Variants in BNIP3L observed in about 807,000 individuals in gnomAD.
BNIP3L encodes BCL2 interacting protein 3 like.
BNIP3L carries 10 observed loss-of-function variants against 25.5 expected under a neutral mutation model. The ratio of observed to expected loss-of-function variants is 0.39; its 90% CI spans 0.24 to 0.67. The LOEUF (loss-of-function observed/expected upper bound fraction) is 0.67, where lower values mean the gene tolerates loss of function less well. Among genes scored for constraint, BNIP3L ranks in the 30% least tolerant of loss-of-function variants. The pLI, the probability that BNIP3L is intolerant of heterozygous loss-of-function variation, is 0.45. For missense variants in BNIP3L, 215 were observed against 270.9 expected (o/e 0.79, Z 1.45); for synonymous variants, 113 against 101.2 (o/e 1.12, Z -0.70).
At chr8:26,402,431 T>C (rs949505910) in intron 3 of BNIP3L, among the ~76,000 whole-genome samples, 4 of 152,222 alleles carry the variant, frequency 2.6e-5, no homozygotes, top group Admixed American at 1.3e-4. Flanking sequence ...TTTGCCGTGG[T>C]CTTTCCTGAG....
chr8:26,408,873 G>GA (rs36118116), intron 5 of BNIP3L, among the ~76,000 whole-genome samples: 31,537 of 75,790 alleles, frequency 0.42, 4,217 homozygotes, highest in Admixed American at 0.47. Flanking sequence ...CTCCATCTCG[G>GA]AAAAAAAAAA....
At chr8:26,402,778 A>G (rs932554001) in intron 3 of BNIP3L, among the ~76,000 whole-genome samples, 6 of 152,168 alleles carry the variant, frequency 3.9e-5, no homozygotes, top group Non-Finnish European at 7.4e-5. Flanking sequence ...AAAAAGAAAA[A>G]AAGAAATGGG....
chr8:26,407,351 A>G (rs143777885), intron 3 of BNIP3L, among the ~76,000 whole-genome samples: 2,908 of 151,342 alleles, frequency 0.019, 88 homozygotes, highest in African/African-American at 0.067. Context: ...ACGCCCAGCT[A>G]ATTTTTTTGT....
intron 1 of BNIP3L, among the ~76,000 whole-genome samples, chr8:26,390,764 A>C (rs1806089135): frequency 1.3e-5 from 2 of 152,220 alleles, no homozygotes; most frequent in South Asian, 4.1e-4. Context: ...TATAGTTGCT[A>C]ACTTACTTAG....
chr8:26,383,855 CTTTTTTAT>C lies in BNIP3L; in HGVS notation c.100+635_100+642del, dbSNP rs145016246. On this transcript the variant is annotated intron_variant, in intron 1 of 5. Coordinates refer to ENST00000380629, the MANE Select transcript of BNIP3L (RefSeq NM_004331.3). ...GGCTGTGCCTTGCTTCTCCTTTTTC[CTTTTTTAT>C]TTTTTTATTAGATTTCTCGAAGTTG... 6.3e-3 allele frequency among the ~76,000 whole-genome samples: 951 copies of C among 151,628 alleles called. 11 individuals are homozygous for C. Among genetic ancestry groups the C allele is most frequent in the African/African-American group, 0.022 (893 of 41,330 alleles).
At chr8:26,384,465 C>A (rs1805941055) in intron 1 of BNIP3L, among the ~76,000 whole-genome samples, 1 of 152,136 alleles carries the variant, frequency 6.6e-6, no homozygotes, top group East Asian at 1.9e-4. Flanking sequence ...ATATTATTTC[C>A]CACAGTAAAT....
At position 26,390,659 on chromosome 8, in the gene BNIP3L, A is replaced by G. The variant is rs1460081964; in HGVS notation, c.101-584A>G. The G allele has an allele frequency of 2.2e-5, 16 of 734,578 alleles. No individual in the cohort carries two copies. The East Asian group carries it at 2.1e-3, about 97-fold the overall frequency. The allele number at this position is 734,578 out of a possible 1,614,324, so 45.5% of individuals were successfully genotyped here. A position where few individuals can be genotyped will look rare whatever the true frequency, so the allele number is the denominator to read the frequency against. On this transcript the variant is annotated intron_variant, in intron 1 of 5. Coordinates refer to ENST00000380629, the MANE Select transcript of BNIP3L (RefSeq NM_004331.3). ...CTGATTTAGTTAACCAGCTGCATTA[A>G]TTTTATGCTCCTGATTTGTGCACAA...
rs1468805313 is a variant in BNIP3L, at chr8:26,383,135, C to T, written c.5C>T (p.Ser2Leu). The T allele has an allele frequency of 6.2e-7, 1 of 1,610,392 alleles. No homozygotes were observed. The highest frequency in any genetic ancestry group is 1.1e-5 in the South Asian group (1 of 90,822). M[S>L]SHLVEPPPPL... is the part of the protein sequence containing the mutation. Reference sequence around the variant, plus strand: ...AGTCCTGCCAGCTGTCCGACAATGTCGTCCCACCTAGTCGAGCCGCCGCCG... The same window carrying T: ...AGTCCTGCCAGCTGTCCGACAATGTTGTCCCACCTAGTCGAGCCGCCGCCG... Residue 2 changes from serine (S) to leucine (L), a missense_variant, in exon 1 of 6, where the codon TCG (serine) becomes TTG (leucine). By Grantham distance (145) the Ser-to-Leu change is moderately radical. This residue lies in a region of BNIP3L where 69 missense variants were observed against 53.6 expected (regional missense o/e 1.29). Transcript: ENST00000380629.
chr8:26,392,140 C>T (rs916541419), intron 2 of BNIP3L, among the ~76,000 whole-genome samples: 1 of 150,050 alleles, frequency 6.7e-6, no homozygotes, highest in African/African-American at 2.5e-5. Flanking sequence ...GGAATGAAAC[C>T]AGGTCATTAT....
chr8:26,391,073 A>G (rs1427851439), intron 1 of BNIP3L, among the ~76,000 whole-genome samples, 170 bp from the exon 2 acceptor site: 2 of 152,188 alleles, frequency 1.3e-5, no homozygotes. Context: ...CAGGAACAGA[A>G]CTATATAGAT....
At chr8:26,395,746 G>C in intron 3 of BNIP3L, 1 of 173,208 alleles carries the variant, frequency 5.8e-6, no homozygotes, top group Non-Finnish European at 1.2e-5. Flanking sequence ...CCAGACAGTG[G>C]GCGCAGGCCA....
chr8:26,395,721 T>A (rs1806219070), intron 3 of BNIP3L: 1 of 189,552 alleles, frequency 5.3e-6, no homozygotes, highest in Admixed American at 5.8e-5. Context: ...ACCGGGTTCA[T>A]CTCACTAGGG....
At chr8:26,406,694 C>G (rs571603561) in intron 3 of BNIP3L, among the ~76,000 whole-genome samples, 10 of 151,852 alleles carry the variant, frequency 6.6e-5, no homozygotes, top group Non-Finnish European at 1.2e-4. Context: ...TGGTGGCACA[C>G]ACCTGTAGTC....
chr8:26,408,100 C>G lies in BNIP3L; in HGVS notation c.458C>G (p.Pro153Arg), dbSNP rs1036247570. The change falls in exon 4 of 6, where the codon CCC becomes CGC. Residue 153 changes from proline to arginine, a missense_variant. Physicochemically the swap from Pro to Arg is moderately radical, Grantham distance 103. Around this residue, in one of 4 missense-constraint regions of BNIP3L, gnomAD observed 63 missense variants for 98.8 expected, o/e 0.64. Transcript: ENST00000380629. ...TCCAGTAGACCCGAAAACATTCCAC[C>G]CAAGTGAGTTCTCACATGTTTCTTG... ...DWSSRPENIP[P>R]KEFHFRHPKR... 6.2e-7 allele frequency: 1 copy of G among 1,614,010 alleles called. No individual in the cohort carries two copies. The highest frequency in any genetic ancestry group is 8.5e-7 in the Non-Finnish European group (1 of 1,179,908).
intron 3 of BNIP3L, among the ~76,000 whole-genome samples, chr8:26,401,802 A>G (rs1226188938): frequency 6.6e-6 from 1 of 152,184 alleles, no homozygotes; most frequent in African/African-American, 2.4e-5. Flanking sequence ...ATAGATGGAT[A>G]TAGTATTAAA....
At chr8:26,392,878 A>G (rs934097016) in intron 2 of BNIP3L, among the ~76,000 whole-genome samples, 1 of 152,140 alleles carries the variant, frequency 6.6e-6, no homozygotes, top group Non-Finnish European at 1.5e-5. Flanking sequence ...GGTGCTGTCA[A>G]TGAGCAGAGA....
In BNIP3L at chr8:26,389,189, T is replaced by G. The variant is rs138731556; in HGVS notation, c.101-2054T>G. 2.6e-3 allele frequency among the ~76,000 whole-genome samples: 396 copies of G among 152,250 alleles called. 1 individual carries two copies. Among genetic ancestry groups the G allele is most frequent in the African/African-American group, 9.1e-3 (379 of 41,514 alleles). On this transcript the variant is annotated intron_variant, in intron 1 of 5. Coordinates refer to ENST00000380629, the MANE Select transcript of BNIP3L (RefSeq NM_004331.3). ...TTTGGTTTGTTACTATTGTACACAT[T>G]AGGCTTCTATACAAGAAGAACTGGT...
chr8:26,408,183 G>A (rs1385145882), intron 4 of BNIP3L, 44 bp from the exon 5 acceptor site: 19 of 1,611,788 alleles, frequency 1.2e-5, no homozygotes, highest in Non-Finnish European at 1.4e-5. Flanking sequence ...TAATCCCCAC[G>A]ATATTTTCAG....
chr8:26,383,243 C>T lies in BNIP3L; in HGVS notation c.100+13C>T. The stretch of plus-strand genomic sequence containing the variant: ...GCCGGCCTCAACAGTGAGTGCGGGG[C>T]CGAGGCTCTGTGAAGGGGATGGGGG... On this transcript the variant is annotated intron_variant, in intron 1 of 5. Transcript: ENST00000380629. 6.2e-7 allele frequency: 1 copy of T among 1,601,588 alleles called. No individual in the cohort carries two copies. The highest frequency in any genetic ancestry group is 8.5e-7 in the Non-Finnish European group (1 of 1,174,742).
Sources: gnomAD v4.1 joint callset for allele counts (sites outside exome capture counted in the v4.1 genomes callset) on GRCh38, gnomAD v4.1.1 for gene constraint, gnomAD v4.1.1 regional missense constraint, MANE v1.5 for transcripts, NCBI Gene and HGNC (gene_info 2026-07-23, HGNC 2026-07-21) for gene names.